The following SYNJ2 variants were observed in gnomAD, a reference collection of about 807,000 sequenced individuals.
SYNJ2 encodes synaptojanin 2.
SYNJ2 carries 116 observed loss-of-function variants against 141.3 expected under a neutral mutation model. The ratio of observed to expected loss-of-function variants is 0.82; its 90% confidence interval spans 0.71 to 0.96. The LOEUF is 0.96. Among genes scored for constraint, SYNJ2 ranks in the 40% least tolerant of loss-of-function variants. SYNJ2 has a pLI of 0.00. For missense variants in SYNJ2, 1,873 were observed against 1,934.8 expected (o/e 0.97, Z 0.60); for synonymous variants, 745 against 777.7 (o/e 0.96, Z 0.70).
chr6:158,029,426 G>A lies in SYNJ2; in HGVS notation c.485+400G>A, dbSNP rs543563157. The A allele has an allele frequency of 9.5e-4, 151 of 158,956 alleles. 3 individuals are homozygous for A. In the South Asian group the frequency reaches 0.014, roughly 14 times the overall value. 9.8% of individuals were successfully genotyped at this position (158,956 alleles called of 1,614,324 possible). A position where few individuals can be genotyped will look rare whatever the true frequency, so the allele number is the denominator to read the frequency against. On this transcript the variant is annotated intron_variant, in intron 3 of 26. Transcript: ENST00000355585. Reference sequence around the variant, plus strand: ...AAAAAAAAAAAAAAATTAGCTGGGCGTGGTGGCAGGTGCCTGTAATCCCAG... The same window carrying A: ...AAAAAAAAAAAAAAATTAGCTGGGCATGGTGGCAGGTGCCTGTAATCCCAG...
At chr6:158,007,392 C>T (rs559696459) in intron 1 of SYNJ2, among the ~76,000 whole-genome samples, 4 of 152,326 alleles carry the variant, frequency 2.6e-5, no homozygotes, top group South Asian at 4.1e-4. Flanking sequence ...AACAGAGCCA[C>T]GGCATGTCTG....
At chr6:158,087,339 G>T (rs1003779981) in intron 23 of SYNJ2, among the ~76,000 whole-genome samples, 5 of 152,232 alleles carry the variant, frequency 3.3e-5, no homozygotes, top group Non-Finnish European at 5.9e-5. Flanking sequence ...CTCAGCTGCT[G>T]CGCAGTCCTC....
intron 25 of SYNJ2, among the ~76,000 whole-genome samples, chr6:158,091,456 A>T (rs1458063183): frequency 2.0e-5 from 3 of 151,502 alleles, no homozygotes; most frequent in Non-Finnish European, 4.4e-5. Flanking sequence ...AAAAAAAAGA[A>T]TGGGGCTGGG....
intron 6 of SYNJ2, among the ~76,000 whole-genome samples, chr6:158,057,800 T>C (rs1468393883): frequency 1.3e-5 from 2 of 152,200 alleles, no homozygotes; most frequent in African/African-American, 4.8e-5. Context: ...AGCCTGCACG[T>C]GTCAGAGCCA....
At position 158,097,152 on chromosome 6, in the gene SYNJ2, C is replaced by T. The variant is rs143741815; in HGVS notation, c.*788C>T. ...CTAGTCCTTATTAAATGAAACCTCA[C>T]GGATCCTTTGTTCCGCTTATATTCC... On this transcript the variant is annotated 3_prime_UTR_variant, in exon 27 of 27. Transcript: ENST00000355585. 1.3e-5 allele frequency: 2 copies of T among 152,384 alleles called. No individual in the cohort carries two copies. The highest frequency in any genetic ancestry group is 1.9e-4 in the East Asian group (1 of 5,192). 9.4% of individuals were successfully genotyped at this position (152,384 alleles called of 1,614,324 possible). A position where few individuals can be genotyped will look rare whatever the true frequency, so the allele number is the denominator to read the frequency against.
rs887033552 is a variant in SYNJ2, at chr6:158,043,035, A to G, written c.712-281A>G. Among the ~76,000 whole-genome samples, 2 of 152,194 alleles carry G rather than the reference A, an allele frequency of 1.3e-5. No homozygotes were observed. Among genetic ancestry groups the G allele is most frequent in the Non-Finnish European group, 2.9e-5 (2 of 68,026 alleles). ...TTCCTGGGATTTTCAGGGTGACGAT[A>G]AGGTTGTGCCCTAGAAGTGTGAATT... On this transcript the variant is annotated intron_variant, in intron 4 of 26. Coordinates refer to ENST00000355585, the MANE Select transcript of SYNJ2 (RefSeq NM_003898.4). This position sits in a 1 kb window ranked among gnomAD's most constrained non-coding sequence, Gnocchi z 4.0.
chr6:158,052,092 A>C (rs1780602528), intron 5 of SYNJ2, among the ~76,000 whole-genome samples: 1 of 152,238 alleles, frequency 6.6e-6, no homozygotes, highest in South Asian at 2.1e-4. Flanking sequence ...CAGTTGTATC[A>C]CCTGCAGTGT....
intron 1 of SYNJ2, among the ~76,000 whole-genome samples, chr6:157,989,427 A>AAT (rs34948131): frequency 0.088 from 8,379 of 95,624 alleles, 501 homozygotes; most frequent in Non-Finnish European, 0.12. Flanking sequence ...TAAAAAAATG[A>AAT]ATATATATAT....
chr6:158,064,598 C>T lies in SYNJ2; in HGVS notation c.1210-3C>T, dbSNP rs748487704. ...GTGACAGCCATCCCTTATTCCTCCC[C>T]AGGTCCTGCATCTGCAGCTCAAGAC... On this transcript the variant is annotated splice_polypyrimidine_tract_variant and splice_region_variant and intron_variant, in intron 9 of 26. Transcript: ENST00000355585. The T allele has an allele frequency of 1.2e-6, 2 of 1,613,442 alleles. No homozygotes were observed. Among genetic ancestry groups the T allele is most frequent in the South Asian group, 1.1e-5 (1 of 91,064 alleles).
At chr6:158,013,088 T>C (rs990320350) in intron 1 of SYNJ2, among the ~76,000 whole-genome samples, 5 of 152,190 alleles carry the variant, frequency 3.3e-5, no homozygotes, top group Non-Finnish European at 7.3e-5. Flanking sequence ...ATCAAAAATT[T>C]GCATAAATTT....
chr6:157,982,021 C>G lies in SYNJ2; in HGVS notation c.60C>G (p.Ser20Arg), dbSNP rs1239100124. 2 of 1,329,216 alleles carry G rather than the reference C, an allele frequency of 1.5e-6. No homozygotes were observed. Among genetic ancestry groups the G allele is most frequent in the Non-Finnish European group, 9.6e-7 (1 of 1,043,004 alleles). The allele number at this position is 1,329,216 out of a possible 1,614,324, so 82.3% of individuals were successfully genotyped here. Residue 20 changes from serine to arginine, a missense_variant, in exon 1 of 27, where the codon AGC (serine) becomes AGG (arginine). Transcript: ENST00000355585. The surrounding 1 kb of genome is among the most constrained non-coding windows in gnomAD (Gnocchi z 4.0). ...LGRLGAEGDC[S>R]VLLEARGRDD... The stretch of plus-strand genomic sequence containing the variant: ...GCCTGGGGGCCGAGGGGGACTGTAG[C>G]GTGCTGCTGGAGGCGCGCGGCCGCG...
chr6:157,998,349 T>A (rs9456954), intron 1 of SYNJ2, among the ~76,000 whole-genome samples: 63,603 of 152,116 alleles, frequency 0.42, 14,938 homozygotes, highest in African/African-American at 0.65. Context: ...CATGCCTGGC[T>A]TCTTCACCGA....
intron 1 of SYNJ2, among the ~76,000 whole-genome samples, chr6:158,004,983 C>T (rs992704574): frequency 3.3e-5 from 5 of 152,068 alleles, no homozygotes; most frequent in African/African-American, 1.2e-4. Flanking sequence ...TCCCATGCCA[C>T]GCCCCTGACC....
intron 18 of SYNJ2, 104 bp from the exon 19 acceptor site, chr6:158,081,005 G>A: frequency 9.7e-7 from 1 of 1,034,374 alleles, no homozygotes; most frequent in South Asian, 1.3e-5. Flanking sequence ...GGGACTGGGG[G>A]CTGGAGATGT....
At chr6:158,082,241 C>T (rs1782738694) in intron 20 of SYNJ2, among the ~76,000 whole-genome samples, 1 of 152,092 alleles carries the variant, frequency 6.6e-6, no homozygotes. Flanking sequence ...GTAATCTCAG[C>T]ACTTTGGGAG....
Position 158,002,703 on chromosome 6 carries a change from T to A in SYNJ2, c.128-14501T>A, listed in dbSNP as rs536517063. Among the ~76,000 whole-genome samples the A allele has an allele frequency of 8.5e-5, 13 of 152,230 alleles. No homozygotes were observed. The South Asian group carries it at 2.5e-3, about 29-fold the overall frequency. ...GCACACACTTGGAGAGAAATGGGTA[T>A]TTTTGTGCTTCTTTCTTGTTCCCTG... On this transcript the variant is annotated intron_variant, in intron 1 of 26. Transcript: ENST00000355585.
At position 158,088,682 on chromosome 6, in the gene SYNJ2, G is replaced by A. The variant is rs375622312; in HGVS notation, c.3366G>A (p.Ser1122=). 27 of 1,613,936 alleles carry A rather than the reference G, an allele frequency of 1.7e-5. No individual in the cohort carries two copies. Among genetic ancestry groups the A allele is most frequent in the African/African-American group, 5.3e-5 (4 of 75,002 alleles). Residue 1122 remains serine, a synonymous_variant, in exon 24 of 27, where the codon TCG becomes TCA. Transcript: ENST00000355585. ...PPPTGLMVKK[S]ASDASISSGT... is the part of the protein sequence containing the mutation. ...CAGCCGGTTTAATGGTGAAAAAGTCGGCTTCAGATGCGTCCATCTCCTCCG... is the reference window on the plus strand; with the variant it reads ...CAGCCGGTTTAATGGTGAAAAAGTCAGCTTCAGATGCGTCCATCTCCTCCG...
Position 158,084,993 on chromosome 6 carries a change from G to A in SYNJ2, c.3208+819G>A, listed in dbSNP as rs535494276. On this transcript the variant is annotated intron_variant, in intron 22 of 26. Coordinates refer to ENST00000355585, the MANE Select transcript of SYNJ2 (RefSeq NM_003898.4). This position sits in a 1 kb window ranked among gnomAD's most constrained non-coding sequence, Gnocchi z 5.0. ...GAGGGCCTGAAAGGTCACATTGATT[G>A]AACCACACACCCCTAGATTAAATAA... is the stretch of plus-strand genomic sequence containing the variant. 1.4e-5 allele frequency among the ~76,000 whole-genome samples: 2 copies of A among 145,992 alleles called. No individual in the cohort carries two copies. Among genetic ancestry groups the A allele is most frequent in the East Asian group, 3.9e-4 (2 of 5,128 alleles).
At chr6:158,095,567 C>G in intron 26 of SYNJ2, 51 bp from the exon 27 acceptor site, 1 of 1,523,514 alleles carries the variant, frequency 6.6e-7, no homozygotes, top group Non-Finnish European at 8.8e-7. Context: ...TGATCCTCAG[C>G]TGCCTAGTTA....
Sources: allele counts gnomAD v4.1 joint callset (sites outside exome capture counted in the v4.1 genomes callset), GRCh38; gene constraint gnomAD v4.1.1; non-coding constraint Gnocchi (gnomAD v3.1); transcripts MANE v1.5; gene names NCBI Gene and HGNC (gene_info 2026-07-23, HGNC 2026-07-21).